ZNF676: variants seen among roughly 807,000 people sequenced by gnomAD.
ZNF676 encodes the protein zinc finger protein 676.
In ZNF676, 4 loss-of-function variants were observed where a neutral mutation model predicts 6.0. The observed-to-expected ratio is 0.67, with a 90% CI of 0.33 to 1.53. ZNF676 has a LOEUF of 1.53. Among genes scored for constraint, ZNF676 ranks in the 40% most tolerant of loss-of-function variants. The pLI is 0.06. For missense variants in ZNF676, 644 were observed against 679.7 expected, an observed-to-expected ratio of 0.95 and a Z score of 0.58; for synonymous variants, 198 against 223.1, an observed-to-expected ratio of 0.89 and a Z score of 1.00.
intron 2 of ZNF676, among the ~76,000 whole-genome samples, chr19:22,186,259 A>G (rs1319391900): frequency 6.6e-6 from 1 of 152,224 alleles, no homozygotes; most frequent in Non-Finnish European, 1.5e-5. Flanking sequence ...TTCAACCCAG[A>G]ATTTCATATC....
At chr19:22,236,610 G>A in the ZNF676 span, among the ~76,000 whole-genome samples, 1 of 152,138 alleles carries the variant, frequency 6.6e-6, no homozygotes, top group Non-Finnish European at 1.5e-5. Flanking sequence ...AGGGAATCTG[G>A]CCTCTCCTTT....
At chr19:22,214,830 G>A (rs1307953230) in intron 1 of ZNF676, among the ~76,000 whole-genome samples, 3 of 151,536 alleles carry the variant, frequency 2.0e-5, no homozygotes, top group Non-Finnish European at 4.4e-5. Context: ...ATGAGGTCAG[G>A]AGATCGAGAC....
At chr19:22,184,278 C>T (rs1471543234) in intron 2 of ZNF676, among the ~76,000 whole-genome samples, 2 of 152,040 alleles carry the variant, frequency 1.3e-5, no homozygotes, top group Non-Finnish European at 2.9e-5. Flanking sequence ...CTCTCCTAGC[C>T]AAAGGAAGGG....
rs2023712232 is a variant in ZNF676, at chr19:22,180,196, A to C, written c.1521T>G (p.Cys507Trp). 1 of 1,613,450 alleles carries C rather than the reference A, an allele frequency of 6.2e-7. No individual in the cohort carries two copies. Among genetic ancestry groups the C allele is most frequent in the African/African-American group, 1.3e-5 (1 of 74,902 alleles). ...AGCTGAAGGCTTTGCCACATTCTTC[A>C]CATTTGTAGCGTTTCTCTCCAGTAT... ...IIHTGEKRYKCEECGKAFSWS... is the reference protein window; with the variant it reads ...IIHTGEKRYKWEECGKAFSWS... Residue 507 changes from cysteine to tryptophan, a missense_variant, in exon 3 of 3, where the codon TGT becomes TGG. Cys to Trp is a radical substitution (Grantham distance 215). This residue lies in a region of ZNF676 where 306 missense variants were observed against 265.4 expected (regional missense o/e 1.15). Coordinates refer to ENST00000397121, the MANE Select transcript of ZNF676 (RefSeq NM_001001411.3).
upstream of ZNF676, among the ~76,000 whole-genome samples, chr19:22,200,853 T>G (rs145717696): frequency 2.7e-3 from 406 of 152,132 alleles, 1 homozygote; most frequent in African/African-American, 8.8e-3. Flanking sequence ...CCAGCCTGCT[T>G]CTTCTATTTT....
chr19:22,219,190 C>T (rs1353403983), upstream of ZNF676, among the ~76,000 whole-genome samples: 2 of 151,744 alleles, frequency 1.3e-5, no homozygotes, highest in African/African-American at 2.4e-5. Context: ...CCTCTGCATC[C>T]CAGGTTCAAG....
chr19:22,250,252 C>T, the ZNF676 span, among the ~76,000 whole-genome samples: 1 of 151,082 alleles, frequency 6.6e-6, no homozygotes, highest in Non-Finnish European at 1.5e-5. Flanking sequence ...ATGTAGGCTT[C>T]TCTTTTAAAC....
chr19:22,208,911 A>G (rs1410152630), intron 1 of ZNF676, among the ~76,000 whole-genome samples: 2 of 152,190 alleles, frequency 1.3e-5, no homozygotes, highest in Admixed American at 6.5e-5. Flanking sequence ...ACTGCACTGC[A>G]GCCTGGGAAA....
rs2023973588 is a variant in ZNF676 at position 22,196,936 on chromosome 19, T to A, written c.-303A>T. ...AGAAAGTGGTATAAGATCCATAACA[T>A]CTGTGTATATGTAATATTTTTCTAG... On this transcript the variant is annotated 5_prime_UTR_variant, in exon 1 of 3. An upstream start codon of the reference 5' UTR is lost. Transcript: ENST00000397121. The A allele has an allele frequency of 5.6e-6, 3 of 532,728 alleles. No individual in the cohort carries two copies. The highest frequency in any genetic ancestry group is 3.8e-5 in the African/African-American group (2 of 52,010). The allele number at this position is 532,728 out of a possible 1,614,324, so 33.0% of individuals were successfully genotyped here. A position where few individuals can be genotyped will look rare whatever the true frequency, so the allele number is the denominator to read the frequency against.
the ZNF676 span, among the ~76,000 whole-genome samples, chr19:22,240,109 A>G: frequency 1.3e-5 from 2 of 152,154 alleles, no homozygotes; most frequent in Non-Finnish European, 2.9e-5. Context: ...GCCTGGCCAT[A>G]TGTCACAATC....
the ZNF676 span, among the ~76,000 whole-genome samples, chr19:22,228,536 A>T: frequency 6.6e-6 from 1 of 152,208 alleles, no homozygotes; most frequent in African/African-American, 2.4e-5. Flanking sequence ...AATAATGAGT[A>T]TTCAAATAGG....
the ZNF676 span, among the ~76,000 whole-genome samples, chr19:22,227,614 C>A: frequency 6.6e-6 from 1 of 151,794 alleles, no homozygotes; most frequent in African/African-American, 2.4e-5. Context: ...AGACTGCTAG[C>A]CAGACTAATA....
upstream of ZNF676, among the ~76,000 whole-genome samples, chr19:22,215,938 C>T (rs1276347666): frequency 6.6e-6 from 1 of 152,186 alleles, no homozygotes; most frequent in Admixed American, 6.5e-5. Flanking sequence ...AGAGAGCCAA[C>T]GTAGGCTGCA....
At chr19:22,206,606 C>T (rs769586040) in intron 1 of ZNF676, among the ~76,000 whole-genome samples, 1 of 151,762 alleles carries the variant, frequency 6.6e-6, no homozygotes, top group Non-Finnish European at 1.5e-5. Context: ...ACCTGGGAGT[C>T]AGAGGTTGCA....
intron 2 of ZNF676, among the ~76,000 whole-genome samples, chr19:22,186,449 C>T (rs559896330): frequency 4.2e-4 from 64 of 152,216 alleles, no homozygotes; most frequent in Middle Eastern, 3.4e-3. Flanking sequence ...TAAAGACCAT[C>T]GACACTATGA....
intron 1 of ZNF676, among the ~76,000 whole-genome samples, chr19:22,213,388 A>AATGG: frequency 6.6e-6 from 1 of 152,090 alleles, no homozygotes; most frequent in East Asian, 1.9e-4. Context: ...TTGTCTGAAC[A>AATGG]GCAATGTGTC....
chr19:22,245,960 G>T, the ZNF676 span, among the ~76,000 whole-genome samples: 4 of 152,084 alleles, frequency 2.6e-5, no homozygotes, highest in Non-Finnish European at 1.5e-5. Flanking sequence ...TAAGCCAAAA[G>T]GTTCCTTGTG....
the ZNF676 span, among the ~76,000 whole-genome samples, chr19:22,256,154 C>T: frequency 2.6e-3 from 401 of 152,270 alleles, 3 homozygotes; most frequent in Non-Finnish European, 1.6e-3. Context: ...CTGAATCTTA[C>T]CAATTTTCCT....
chr19:22,238,791 G>A, the ZNF676 span, among the ~76,000 whole-genome samples: 1 of 152,096 alleles, frequency 6.6e-6, no homozygotes, highest in Non-Finnish European at 1.5e-5. Flanking sequence ...GATGTTCAAG[G>A]GCAGGAAGCA....
Sources: allele counts gnomAD v4.1 joint callset (sites outside exome capture counted in the v4.1 genomes callset), GRCh38; gene constraint gnomAD v4.1.1; regional missense constraint gnomAD v4.1.1; transcripts MANE v1.5; gene names NCBI Gene and HGNC (gene_info 2026-07-23, HGNC 2026-07-21).